Variants in NRROS observed in about 807,000 individuals in gnomAD.
NRROS encodes the protein negative regulator of reactive oxygen species.
Under a neutral mutation model 12.0 loss-of-function variants are expected in NRROS, and 6 were observed. That is an observed-to-expected ratio of 0.50 (90% confidence interval 0.27 to 0.98). The LOEUF is 0.98. NRROS is among the 50% of genes least tolerant of loss of function. The pLI is 0.11. For missense variants in NRROS, 857 were observed against 888.2 expected (o/e 0.96, Z 0.45); for synonymous variants, 462 against 410.2 (o/e 1.13, Z -1.53).
At chr3:196,644,398 C>CAA (rs35853147) in intron 1 of NRROS, among the ~76,000 whole-genome samples, 17 of 87,544 alleles carry the variant, frequency 1.9e-4, no homozygotes, top group South Asian at 3.2e-4. Flanking sequence ...GACCCCGTCT[C>CAA]AAAAAAAAAA....
rs902424114 is a variant in NRROS at position 196,661,873 on chromosome 3, C to T, written c.*151C>T. ...TTCCATTCCTCATCGCCCACCCCAC[C>T]CCCGCCCCCACCACCGCCCAAGTTC... On this transcript the variant is annotated 3_prime_UTR_variant, in exon 3 of 3. Transcript: ENST00000328557. 1.9e-6 allele frequency: 1 copy of T among 537,948 alleles called. No homozygotes were observed. Among genetic ancestry groups the T allele is most frequent in the Non-Finnish European group, 3.0e-6 (1 of 329,300 alleles). The allele number at this position is 537,948 out of a possible 1,614,324, so 33.3% of individuals were successfully genotyped here.
intron 1 of NRROS, among the ~76,000 whole-genome samples, chr3:196,647,041 T>G (rs1198547652): frequency 6.6e-6 from 1 of 152,276 alleles, no homozygotes; most frequent in Non-Finnish European, 1.5e-5. Context: ...TTTTTTATCA[T>G]ACCACGTCAT....
intron 1 of NRROS, among the ~76,000 whole-genome samples, chr3:196,649,446 C>T (rs1737369507): frequency 6.6e-6 from 1 of 152,122 alleles, no homozygotes; most frequent in South Asian, 2.1e-4. Flanking sequence ...GGAGAGCCCT[C>T]CCCCAGACCC....
chr3:196,659,872 C>G lies in NRROS; in HGVS notation c.229C>G (p.Leu77Val), dbSNP rs866897661. 1.2e-6 allele frequency: 2 copies of G among 1,614,046 alleles called. No individual in the cohort carries two copies. Among genetic ancestry groups the G allele is most frequent in the African/African-American group, 1.3e-5 (1 of 74,942 alleles). ...TCTCAAGACCCTGTGGAATCACTCCCTCCAGCCTTACCCTCTCCTGGAGAG... is the reference window on the plus strand; with the variant it reads ...TCTCAAGACCCTGTGGAATCACTCCGTCCAGCCTTACCCTCTCCTGGAGAG... ...NPLKTLWNHS[L>V]QPYPLLESLS... The change falls in exon 3 of 3, where the codon CTC becomes GTC. Residue 77 changes from leucine (L) to valine (V), a missense_variant. Leu to Val is a conservative substitution (Grantham distance 32). Transcript: ENST00000328557.
rs1294188958 is a variant in NRROS, at chr3:196,660,327, G to A, written c.684G>A (p.Leu228=). 3 of 1,613,884 alleles carry A rather than the reference G, an allele frequency of 1.9e-6. No homozygotes were observed. Among genetic ancestry groups the A allele is most frequent in the Non-Finnish European group, 2.5e-6 (3 of 1,180,028 alleles). Residue 228 remains leucine (L), a synonymous_variant, in exon 3 of 3, where the codon CTG becomes CTA. Transcript: ENST00000328557. This position sits in a 1 kb window ranked among gnomAD's most constrained non-coding sequence, Gnocchi z 7.7. ...TCGTGGACTTCGGGCTCACGCGGCT[G>A]CGGGTCCTCAACGTCAGCTACAACG... ...PCIVDFGLTR[L]RVLNVSYNVL...
At chr3:196,645,379 C>T (rs1033552253) in intron 1 of NRROS, among the ~76,000 whole-genome samples, 1 of 152,190 alleles carries the variant, frequency 6.6e-6, no homozygotes, top group South Asian at 2.1e-4. Context: ...AAGTCACAGA[C>T]CTGGGTTTGA....
chr3:196,660,246 C>A lies in NRROS; in HGVS notation c.603C>A (p.Phe201Leu). ...TCTTCGAGATCGAGGGCGGCGCTTT[C>A]GACGGCCTGGCTGAGCTGAGGCACC... ...NYIFEIEGGA[F>L]DGLAELRHLN... The change falls in exon 3 of 3, where the codon TTC (phenylalanine) becomes TTA (leucine). Residue 201 changes from phenylalanine to leucine, a missense_variant. By Grantham distance (22) the Phe-to-Leu change is conservative. Coordinates refer to ENST00000328557, the MANE Select transcript of NRROS (RefSeq NM_198565.3). The surrounding 1 kb of genome is among the most constrained non-coding windows in gnomAD (Gnocchi z 7.7). 6.2e-7 allele frequency: 1 copy of A among 1,613,812 alleles called. No individual in the cohort carries two copies. Among genetic ancestry groups the A allele is most frequent in the Non-Finnish European group, 8.5e-7 (1 of 1,180,044 alleles).
At chr3:196,640,178 G>A (rs1162849164) in intron 1 of NRROS, among the ~76,000 whole-genome samples, 1 of 152,252 alleles carries the variant, frequency 6.6e-6, no homozygotes. Context: ...TCCTGGCTCT[G>A]CAGGGAGCAT....
intron 1 of NRROS, among the ~76,000 whole-genome samples, chr3:196,647,459 C>T (rs187128216): frequency 7.2e-4 from 110 of 152,118 alleles, no homozygotes; most frequent in African/African-American, 2.6e-3. Context: ...TTGTTCTAAT[C>T]CTCAATTTCA....
chr3:196,648,715 G>A lies in NRROS; in HGVS notation c.-13-5812G>A, dbSNP rs1013873309. ...CGGGAGGCGGAGGTTGCAATGAGCC[G>A]AGATTATGCCATTGCACTCCAGCCT... On this transcript the variant is annotated intron_variant, in intron 1 of 2. Transcript: ENST00000328557. Among the ~76,000 whole-genome samples, 3 of 129,310 alleles carry A rather than the reference G, an allele frequency of 2.3e-5. No individual in the cohort carries two copies. In the South Asian group the frequency reaches 7.8e-4, roughly 33 times the overall value. 84.8% of individuals were successfully genotyped at this position (129,310 alleles called of 152,430 possible).
In NRROS at chr3:196,661,510, C is replaced by T. The variant is rs138614749; in HGVS notation, c.1867C>T (p.Leu623Phe). 28 of 1,612,448 alleles carry T rather than the reference C, an allele frequency of 1.7e-5. No individual in the cohort carries two copies. Among genetic ancestry groups the T allele is most frequent in the Non-Finnish European group, 2.3e-5 (27 of 1,178,896 alleles). The change falls in exon 3 of 3, where the codon CTC becomes TTC. Residue 623 changes from leucine to phenylalanine, a missense_variant. Physicochemically the swap from Leu to Phe is conservative, Grantham distance 22. Transcript: ENST00000328557. Reference protein sequence around the residue: ...VADWAMVTCNLSSKIIRVTEL... With the variant: ...VADWAMVTCNFSSKIIRVTEL... ...CGACTGGGCCATGGTCACCTGCAACCTCTCCTCCAAGATCATCCGCGTGAC... is the reference window on the plus strand; with the variant it reads ...CGACTGGGCCATGGTCACCTGCAACTTCTCCTCCAAGATCATCCGCGTGAC...
At position 196,660,766 on chromosome 3, in the gene NRROS, C is replaced by T. The variant is rs924724087; in HGVS notation, c.1123C>T (p.Pro375Ser). 6.2e-7 allele frequency: 1 copy of T among 1,613,782 alleles called. No individual in the cohort carries two copies. The highest frequency in any genetic ancestry group is 1.3e-5 in the African/African-American group (1 of 74,920). Residue 375 changes from proline (P) to serine (S), a missense_variant, in exon 3 of 3, where the codon CCC (proline) becomes TCC (serine). Physicochemically the swap from Pro to Ser is moderately conservative, Grantham distance 74. Transcript: ENST00000328557. The surrounding 1 kb of genome is among the most constrained non-coding windows in gnomAD (Gnocchi z 7.7). Reference sequence around the variant, plus strand: ...GCTTCACATTCGGGAGCACGAGCCCCCCGGAGCGCTCACCGAGCTGGACCT... The same window carrying T: ...GCTTCACATTCGGGAGCACGAGCCCTCCGGAGCGCTCACCGAGCTGGACCT... ...MTLHIREHEPPGALTELDLSH... is the reference protein window; with the variant it reads ...MTLHIREHEPSGALTELDLSH...
At position 196,661,744 on chromosome 3, in the gene NRROS, G is replaced by A. The variant is rs368884024; in HGVS notation, c.*22G>A. On this transcript the variant is annotated 3_prime_UTR_variant, in exon 3 of 3. Transcript: ENST00000328557. ...CTGACCTGGCTGTGTGCCAAGACTC[G>A]AAATTCGGTCCGCACACAACAGGAC... 1.3e-5 allele frequency: 20 copies of A among 1,564,484 alleles called. No homozygotes were observed. Among genetic ancestry groups the A allele is most frequent in the Admixed American group, 8.6e-5 (5 of 58,078 alleles).
chr3:196,641,191 G>A (rs1737202457), intron 1 of NRROS, among the ~76,000 whole-genome samples: 1 of 151,706 alleles, frequency 6.6e-6, no homozygotes, highest in South Asian at 2.1e-4. Context: ...TCACAAAGAA[G>A]GCACTTTTTA....
rs764991683 is a variant in NRROS at position 196,654,668 on chromosome 3, G to T, written c.108+21G>T. 2.0e-6 allele frequency: 3 copies of T among 1,463,640 alleles called. No homozygotes were observed. Among genetic ancestry groups the T allele is most frequent in the African/African-American group, 2.8e-5 (2 of 72,084 alleles). The allele number at this position is 1,463,640 out of a possible 1,614,324, so 90.7% of individuals were successfully genotyped here. ...AGTTGGTGAGTTTCCCTTGAACCCTGATCTGTCGGCTGCTCCTGTCCTGAC... is the reference window on the plus strand; with the variant it reads ...AGTTGGTGAGTTTCCCTTGAACCCTTATCTGTCGGCTGCTCCTGTCCTGAC... On this transcript the variant is annotated intron_variant, in intron 2 of 2. Coordinates refer to ENST00000328557, the MANE Select transcript of NRROS (RefSeq NM_198565.3). This position sits in a 1 kb window ranked among gnomAD's most constrained non-coding sequence, Gnocchi z 4.4.
At chr3:196,647,916 G>C (rs1386944191) in intron 1 of NRROS, among the ~76,000 whole-genome samples, 1 of 152,168 alleles carries the variant, frequency 6.6e-6, no homozygotes, top group Non-Finnish European at 1.5e-5. Context: ...TGGCCAGGCT[G>C]GTCTCGAACC....
intron 1 of NRROS, among the ~76,000 whole-genome samples, chr3:196,640,824 G>A (rs1737193988): frequency 1.3e-5 from 2 of 152,186 alleles, no homozygotes; most frequent in African/African-American, 4.8e-5. Flanking sequence ...GCTGGTCGGG[G>A]CTGCTGTGCT....
chr3:196,656,125 C>T (rs897735000), intron 2 of NRROS, among the ~76,000 whole-genome samples: 1 of 152,106 alleles, frequency 6.6e-6, no homozygotes. Flanking sequence ...TGACATCGTG[C>T]CACTGCACTC....
intron 1 of NRROS, among the ~76,000 whole-genome samples, chr3:196,641,276 C>T (rs539118830): frequency 9.9e-5 from 15 of 152,078 alleles, no homozygotes; most frequent in Non-Finnish European, 1.5e-4. Context: ...TTCTGTGGCA[C>T]GATCACAGAT....
Sources: gnomAD v4.1 joint callset for allele counts (sites outside exome capture counted in the v4.1 genomes callset) on GRCh38, gnomAD v4.1.1 for gene constraint, Gnocchi (gnomAD v3.1) non-coding constraint, MANE v1.5 for transcripts, NCBI Gene and HGNC (gene_info 2026-07-23, HGNC 2026-07-21) for gene names.